The following FANCC variants were observed in gnomAD, a reference collection of about 807,000 sequenced individuals.
The protein encoded by FANCC is FA complementation group C, also known as Fanconi anemia group C protein.
A neutral mutation model predicts 71.3 loss-of-function variants in FANCC; 55 were observed. The observed-to-expected ratio is 0.77, with a 90% CI of 0.62 to 0.97. The LOEUF (loss-of-function observed/expected upper bound fraction) is 0.97, where lower values mean the gene tolerates loss of function less well. FANCC is among the 50% of genes least tolerant of loss of function. FANCC has a pLI of 0.00. For missense variants in FANCC, 678 were observed against 670.9 expected (o/e 1.01, Z -0.12); for synonymous variants, 275 against 244.9 (o/e 1.12, Z -1.15).
At chr9:95,282,649 CATCA>C (rs1833445648) in intron 1 of FANCC, among the ~76,000 whole-genome samples, 1 of 152,156 alleles carries the variant, frequency 6.6e-6, no homozygotes, top group Admixed American at 6.5e-5. Flanking sequence ...CTCAACTGCA[CATCA>C]ATCATTTTCC....
chr9:95,197,614 A>C (rs1827539585), intron 4 of FANCC, among the ~76,000 whole-genome samples: 2 of 152,216 alleles, frequency 1.3e-5, no homozygotes, highest in South Asian at 2.1e-4. Context: ...TTTCTCTGCC[A>C]GGTACTGTGC....
At chr9:95,198,366 C>T (rs759075359) in intron 4 of FANCC, among the ~76,000 whole-genome samples, 2 of 152,220 alleles carry the variant, frequency 1.3e-5, no homozygotes, top group African/African-American at 2.4e-5. Flanking sequence ...AATTTTCAGA[C>T]GTTCCACTGT....
At chr9:95,282,334 T>A (rs555080834) in intron 1 of FANCC, among the ~76,000 whole-genome samples, 1 of 152,084 alleles carries the variant, frequency 6.6e-6, no homozygotes, top group Non-Finnish European at 1.5e-5. Flanking sequence ...TATATGATAA[T>A]GGGGTTGGTC....
At chr9:95,206,037 T>G (rs985932933) in intron 4 of FANCC, among the ~76,000 whole-genome samples, 2 of 152,164 alleles carry the variant, frequency 1.3e-5, no homozygotes, top group African/African-American at 4.8e-5. Context: ...TGAAACAGGC[T>G]TCAGGAGTAT....
chr9:95,105,956 C>T (rs1033736615), intron 14 of FANCC, among the ~76,000 whole-genome samples: 3 of 152,374 alleles, frequency 2.0e-5, no homozygotes, highest in African/African-American at 7.2e-5. Flanking sequence ...GCCCTCCAGC[C>T]CCTGCTTTCG....
Position 95,161,478 on chromosome 9 carries a change from C to T in FANCC, c.521+9601G>A, listed in dbSNP as rs912256325. Among the ~76,000 whole-genome samples the T allele has an allele frequency of 1.1e-4, 17 of 152,290 alleles. 1 individual carries two copies. The highest frequency in any genetic ancestry group is 5.9e-4 in the Admixed American group (9 of 15,300). On this transcript the variant is annotated intron_variant, in intron 6 of 14. Transcript: ENST00000289081. ...CAAGGAATCCCAAATTCCAGGAAGA[C>T]CAAATTGTTCTGCAAAGTGGTTGTG...
rs10666439 is a variant in FANCC at position 95,235,844 on chromosome 9, C to CAAAA, written c.345+4801_345+4804dup. ...GGGCAACAAGAGTGAAACTCCACCT[C>CAAAA]AAAAAAAAAAAAAAAAAAAAAAAAA... On this transcript the variant is annotated intron_variant, in intron 4 of 14. Transcript: ENST00000289081. Among the ~76,000 whole-genome samples the CAAAA allele has an allele frequency of 1.2e-3, 42 of 36,220 alleles. 10 individuals carry two copies. The highest frequency in any genetic ancestry group is 0.01 in the East Asian group (9 of 884). 23.8% of individuals were successfully genotyped at this position (36,220 alleles called of 152,430 possible).
At chr9:95,106,208 A>G (rs926029076) in intron 14 of FANCC, among the ~76,000 whole-genome samples, 1 of 152,044 alleles carries the variant, frequency 6.6e-6, no homozygotes, top group Non-Finnish European at 1.5e-5. Context: ...CTGACCACTC[A>G]TGCCCTTTCT....
chr9:95,227,452 A>G (rs1378803154), intron 4 of FANCC, among the ~76,000 whole-genome samples: 1 of 152,142 alleles, frequency 6.6e-6, no homozygotes. Flanking sequence ...GAACTGTCCA[A>G]TTGCCTGCCT....
chr9:95,285,380 A>T (rs2136285303), intron 1 of FANCC, among the ~76,000 whole-genome samples: 1 of 152,346 alleles, frequency 6.6e-6, no homozygotes, highest in Middle Eastern at 3.4e-3. Context: ...CAGCTTATGT[A>T]CTTTTTGTAT....
intron 1 of FANCC, among the ~76,000 whole-genome samples, chr9:95,274,846 G>C (rs562302679): frequency 2.0e-5 from 3 of 152,172 alleles, no homozygotes; most frequent in Non-Finnish European, 4.4e-5. Context: ...TTGGGGAAGG[G>C]AAAGGAGGAA....
At chr9:95,124,103 CAAAAAAAAAAAA>C (rs139226812) in intron 10 of FANCC, among the ~76,000 whole-genome samples, 6 of 43,542 alleles carry the variant, frequency 1.4e-4, no homozygotes, top group Admixed American at 3.2e-4. Flanking sequence ...AACCTTGTCT[CAAAAAAAAAAAA>C]AAAAAAAAAA....
At chr9:95,189,413 G>A (rs1342140690) in intron 4 of FANCC, among the ~76,000 whole-genome samples, 2 of 152,162 alleles carry the variant, frequency 1.3e-5, no homozygotes, top group Non-Finnish European at 2.9e-5. Flanking sequence ...TATTCCGTGA[G>A]CAGGATGCTG....
chr9:95,264,591 C>T (rs1297727720), intron 1 of FANCC, among the ~76,000 whole-genome samples: 2 of 152,120 alleles, frequency 1.3e-5, no homozygotes, highest in Non-Finnish European at 2.9e-5. Flanking sequence ...AAAGTGGAGG[C>T]GACCTGATAA....
intron 11 of FANCC, among the ~76,000 whole-genome samples, chr9:95,115,874 T>C (rs1039031357): frequency 6.6e-6 from 1 of 152,242 alleles, no homozygotes; most frequent in African/African-American, 2.4e-5. Context: ...TCGTAAGTGA[T>C]CCTCTTTTAC....
At chr9:95,307,464 A>G (rs1835133587) in intron 1 of FANCC, among the ~76,000 whole-genome samples, 1 of 152,250 alleles carries the variant, frequency 6.6e-6, no homozygotes, top group Admixed American at 6.5e-5. Context: ...TTCTACAGAT[A>G]TGAAACTTAG....
At chr9:95,218,213 C>T (rs1828997353) in intron 4 of FANCC, among the ~76,000 whole-genome samples, 1 of 152,210 alleles carries the variant, frequency 6.6e-6, no homozygotes, top group African/African-American at 2.4e-5. Context: ...GCCTGTTATC[C>T]TAGCACTTTG....
chr9:95,108,661 A>T (rs1200770113), intron 13 of FANCC, among the ~76,000 whole-genome samples: 1 of 152,248 alleles, frequency 6.6e-6, no homozygotes, highest in Non-Finnish European at 1.5e-5. Context: ...ATCCTGCATT[A>T]TAAAGACATA....
chr9:95,145,358 C>T (rs1226887762), intron 7 of FANCC: 1 of 152,110 alleles, frequency 6.6e-6, no homozygotes, highest in Non-Finnish European at 1.5e-5. Flanking sequence ...AAAATATATA[C>T]AACACTCCCT....
Sources: gnomAD v4.1 joint callset for allele counts (sites outside exome capture counted in the v4.1 genomes callset) on GRCh38, gnomAD v4.1.1 for gene constraint, MANE v1.5 for transcripts, NCBI Gene and HGNC (gene_info 2026-07-23, HGNC 2026-07-21) for gene names.